CNNM1: variants seen among roughly 807,000 people sequenced by gnomAD.
CNNM1 encodes the protein cyclin and CBS domain divalent metal cation transport mediator 1, also known as metal transporter CNNM1.
Under a neutral mutation model 78.8 loss-of-function variants are expected in CNNM1, and 44 were observed. That is an observed-to-expected ratio of 0.56 (90% confidence interval 0.44 to 0.72). CNNM1 has a LOEUF of 0.72. CNNM1 is among the 30% of genes least tolerant of loss of function. The pLI is 0.00. For synonymous variants in CNNM1, 584 were observed against 581.5 expected (o/e 1.00, Z -0.06); for missense variants, 1,101 against 1,292.2 (o/e 0.85, Z 2.27).
At chr10:99,378,919 A>G (rs2032057632) in intron 7 of CNNM1, among the ~76,000 whole-genome samples, 1 of 152,216 alleles carries the variant, frequency 6.6e-6, no homozygotes, top group African/African-American at 2.4e-5. Context: ...TGACCGAGCA[A>G]TGCTCATGGG....
At chr10:99,342,171 AAT>A (rs2030486247) in intron 1 of CNNM1, among the ~76,000 whole-genome samples, 1 of 152,230 alleles carries the variant, frequency 6.6e-6, no homozygotes, top group Non-Finnish European at 1.5e-5. Flanking sequence ...TACTTCAATC[AAT>A]ACTTGTTGGT....
At chr10:99,376,913 C>A in intron 6 of CNNM1, 142 bp from the exon 7 acceptor site, 1 of 775,656 alleles carries the variant, frequency 1.3e-6, no homozygotes, top group Non-Finnish European at 2.1e-6. Context: ...ATCACCACCA[C>A]CCAGTGTTAC....
At chr10:99,381,049 T>C (rs2032133822) in intron 7 of CNNM1, among the ~76,000 whole-genome samples, 1 of 152,178 alleles carries the variant, frequency 6.6e-6, no homozygotes, top group South Asian at 2.1e-4. Flanking sequence ...TCTTTCCACC[T>C]GGATATTTTG....
At chr10:99,338,973 C>CT (rs2134017387) in intron 1 of CNNM1, among the ~76,000 whole-genome samples, 1 of 152,270 alleles carries the variant, frequency 6.6e-6, no homozygotes, top group South Asian at 2.1e-4. Context: ...ATTTACTACT[C>CT]TATTATTGGA....
intron 1 of CNNM1, among the ~76,000 whole-genome samples, chr10:99,350,356 C>A (rs1483160626): frequency 6.6e-6 from 1 of 152,208 alleles, no homozygotes; most frequent in African/African-American, 2.4e-5. Flanking sequence ...AAGCAATATG[C>A]TTTCCTCCTA....
chr10:99,382,075 G>A (rs1409489939), intron 7 of CNNM1, among the ~76,000 whole-genome samples: 2 of 152,140 alleles, frequency 1.3e-5, no homozygotes, highest in Non-Finnish European at 2.9e-5. Context: ...CAAGATGAGT[G>A]TTTTCACAGG....
chr10:99,391,421 A>C lies in CNNM1; in HGVS notation c.2777-16A>C. The C allele has an allele frequency of 1.9e-6, 3 of 1,608,448 alleles. No homozygotes were observed. Among genetic ancestry groups the C allele is most frequent in the Non-Finnish European group, 2.6e-6 (3 of 1,175,176 alleles). ...TCCAGTGTTACAGGCTGATACTTGC[A>C]ACTTGTTTTTTTCAGGTGGCCAAAA... On this transcript the variant is annotated splice_polypyrimidine_tract_variant and intron_variant, in intron 10 of 10. Coordinates refer to ENST00000356713, the MANE Select transcript of CNNM1 (RefSeq NM_020348.3).
chr10:99,356,284 T>C (rs2031142301), intron 1 of CNNM1, among the ~76,000 whole-genome samples: 1 of 152,048 alleles, frequency 6.6e-6, no homozygotes, highest in Admixed American at 6.5e-5. Flanking sequence ...GAGACCATCT[T>C]GGCCAACATG....
At chr10:99,362,443 T>C in intron 4 of CNNM1, 47 bp downstream of exon 4, 1 of 1,568,298 alleles carries the variant, frequency 6.4e-7, no homozygotes, top group Non-Finnish European at 8.6e-7. Context: ...GGAGGGCATC[T>C]CCAGGGTGAA....
At chr10:99,380,767 G>A (rs1589919903) in intron 7 of CNNM1, among the ~76,000 whole-genome samples, 1 of 149,690 alleles carries the variant, frequency 6.7e-6, no homozygotes, top group East Asian at 2.0e-4. Flanking sequence ...CTCCAGCCTG[G>A]GTGACAGAGG....
At chr10:99,383,122 T>G (rs185038064) in intron 7 of CNNM1, among the ~76,000 whole-genome samples, 30 of 152,328 alleles carry the variant, frequency 2.0e-4, no homozygotes, top group Admixed American at 4.6e-4. Flanking sequence ...TACAGAAATA[T>G]AAATCTAATA....
intron 7 of CNNM1, among the ~76,000 whole-genome samples, chr10:99,384,483 C>T (rs2032248838): frequency 6.6e-6 from 1 of 151,992 alleles, no homozygotes; most frequent in Non-Finnish European, 1.5e-5. Flanking sequence ...CTCTCCAGCC[C>T]CTCCCCCTCC....
chr10:99,374,386 G>C (rs1045737760), intron 6 of CNNM1, among the ~76,000 whole-genome samples: 1 of 152,100 alleles, frequency 6.6e-6, no homozygotes, highest in Non-Finnish European at 1.5e-5. Flanking sequence ...AAACAGTCTT[G>C]CTGCTCCATG....
intron 6 of CNNM1, among the ~76,000 whole-genome samples, chr10:99,365,720 G>T (rs1425080529): frequency 6.6e-6 from 1 of 152,210 alleles, no homozygotes; most frequent in Non-Finnish European, 1.5e-5. Context: ...CTGATTCACA[G>T]TTCTGAATTT....
intron 10 of CNNM1, 83 bp downstream of exon 10, chr10:99,390,490 G>C: frequency 9.7e-7 from 1 of 1,032,840 alleles, no homozygotes; most frequent in South Asian, 1.4e-5. Context: ...TCCTCTTGGG[G>C]GAGGAGCCAT....
chr10:99,376,729 G>T (rs1037539729), intron 6 of CNNM1, among the ~76,000 whole-genome samples: 2 of 152,280 alleles, frequency 1.3e-5, no homozygotes, highest in African/African-American at 4.8e-5. Flanking sequence ...TGAACCACCC[G>T]TCCCCCCTGT....
In CNNM1 at chr10:99,391,562, T is replaced by TG. The variant is rs3833747; in HGVS notation, c.*51dup. On this transcript the variant is annotated 3_prime_UTR_variant, in exon 11 of 11. Transcript: ENST00000356713. ...CTGGGTGTGTGAAATTCCAGAGCTT[T>TG]GGGGGAGAATCCACCCTCCCATCAT... 5.6e-4 allele frequency: 857 copies of TG among 1,535,054 alleles called. 11 individuals are homozygous for TG. The East Asian group carries it at 0.017, about 30-fold the overall frequency.
chr10:99,377,246 C>T (rs1442011198), intron 7 of CNNM1, 28 bp downstream of exon 7: 2 of 1,608,428 alleles, frequency 1.2e-6, no homozygotes, highest in Admixed American at 1.7e-5. Context: ...GTTATCCTCT[C>T]CCTCCCAGTG....
At chr10:99,353,077 G>A (rs6584272) in intron 1 of CNNM1, among the ~76,000 whole-genome samples, 22,141 of 151,814 alleles carry the variant, frequency 0.15, 2,170 homozygotes, top group African/African-American at 0.28. Flanking sequence ...ACTATTTGTT[G>A]ACTTCTCAAT....
Sources: allele counts gnomAD v4.1 joint callset (sites outside exome capture counted in the v4.1 genomes callset), GRCh38; gene constraint gnomAD v4.1.1; transcripts MANE v1.5; gene names NCBI Gene and HGNC (gene_info 2026-07-23, HGNC 2026-07-21).